The following MGA variants were observed in gnomAD, a reference collection of about 807,000 sequenced individuals.
The protein encoded by MGA is MAX gene-associated protein.
Under a neutral mutation model 261.1 loss-of-function variants are expected in MGA, and 40 were observed. The observed-to-expected ratio is 0.15, with a 90% CI of 0.12 to 0.20. MGA has a LOEUF of 0.20. Among genes scored for constraint, MGA ranks in the 10% least tolerant of loss-of-function variants. The probability of loss-of-function intolerance (pLI) is 1.00; values close to 1 mark genes in which losing one functional copy is unlikely to be tolerated. For synonymous variants in MGA, 1,302 were observed against 1,290.6 expected (o/e 1.01, Z -0.19); for missense variants, 3,397 against 3,630.5 (o/e 0.94, Z 1.65).
At chr15:41,673,303 T>C (rs2058175789) in intron 2 of MGA, among the ~76,000 whole-genome samples, 1 of 152,032 alleles carries the variant, frequency 6.6e-6, no homozygotes, top group Non-Finnish European at 1.5e-5. Flanking sequence ...CTGCAACCTC[T>C]GCCTCCTGGG....
chr15:41,692,551 T>C (rs1171773336), intron 2 of MGA, among the ~76,000 whole-genome samples: 2 of 152,304 alleles, frequency 1.3e-5, no homozygotes, highest in African/African-American at 4.8e-5. Context: ...AGAAGGCTGA[T>C]CTTCTTCTGT....
chr15:41,671,420 T>C (rs1201593555), intron 2 of MGA, among the ~76,000 whole-genome samples: 1 of 151,720 alleles, frequency 6.6e-6, no homozygotes, highest in African/African-American at 2.4e-5. Flanking sequence ...GGCTCCCAGG[T>C]TCAAGCGATT....
intron 1 of MGA, among the ~76,000 whole-genome samples, chr15:41,622,043 G>C (rs981180685): frequency 1.3e-5 from 2 of 151,996 alleles, no homozygotes; most frequent in African/African-American, 4.8e-5. Context: ...GGTAGGGGGA[G>C]GGTGGGGGGC....
At chr15:41,688,982 T>G (rs2059118405) in intron 2 of MGA, among the ~76,000 whole-genome samples, 1 of 152,180 alleles carries the variant, frequency 6.6e-6, no homozygotes, top group Non-Finnish European at 1.5e-5. Context: ...CCCACCATCC[T>G]GTTGGATTAG....
chr15:41,764,606 C>T (rs1051748976), intron 22 of MGA, among the ~76,000 whole-genome samples: 4 of 151,944 alleles, frequency 2.6e-5, no homozygotes, highest in Non-Finnish European at 5.9e-5. Context: ...TGCAGTGTCT[C>T]GCTTGCAGCC....
chr15:41,766,206 T>G lies in MGA; in HGVS notation c.8124T>G (p.Asp2708Glu). ...GAATCTCTTCCAGAGGAAACAGAGA[T>G]GGCAGAGTGACGTTGGGTCCAACGC... Residue 2708 changes from aspartate to glutamate, a missense_variant, in exon 24 of 24, where the codon GAT (aspartate) becomes GAG (glutamate). By Grantham distance (45) the Asp-to-Glu change is conservative. Transcript: ENST00000219905. 1 of 1,613,986 alleles carries G rather than the reference T, an allele frequency of 6.2e-7. No homozygotes were observed. Among genetic ancestry groups the G allele is most frequent in the Non-Finnish European group, 8.5e-7 (1 of 1,179,868 alleles).
intron 2 of MGA, among the ~76,000 whole-genome samples, chr15:41,671,695 T>C (rs2058069970): frequency 6.6e-6 from 1 of 152,160 alleles, no homozygotes; most frequent in Admixed American, 6.5e-5. Flanking sequence ...TGCACACAAA[T>C]TTCCTTTACT....
At chr15:41,733,332 T>G (rs188407590) in intron 11 of MGA, among the ~76,000 whole-genome samples, 2 of 152,294 alleles carry the variant, frequency 1.3e-5, no homozygotes, top group Non-Finnish European at 2.9e-5. Flanking sequence ...TCTCTCCTGA[T>G]TAGTGAAAGT....
intron 15 of MGA, among the ~76,000 whole-genome samples, chr15:41,746,367 C>T (rs1475896058): frequency 2.0e-5 from 3 of 151,580 alleles, no homozygotes; most frequent in African/African-American, 7.3e-5. Flanking sequence ...ATGGTGAAAC[C>T]CTGTCTCTAC....
Position 41,711,150 on chromosome 15 carries a change from A to G in MGA, c.2885A>G (p.Asn962Ser), listed in dbSNP as rs1207188853. ...TTTGTTGTGCCAACTTTGGATGAAA[A>G]TATATTTCCAAAGCAGATTAGTTTG... is the stretch of plus-strand genomic sequence containing the variant. The change falls in exon 8 of 24, where the codon AAT (asparagine) becomes AGT (serine). Residue 962 changes from asparagine to serine, a missense_variant. Physicochemically the swap from Asn to Ser is conservative, Grantham distance 46. This residue lies in a region of MGA where 519 missense variants were observed against 554.1 expected (regional missense o/e 0.94). Coordinates refer to ENST00000219905, the MANE Select transcript of MGA (RefSeq NM_001164273.2). 2.5e-6 allele frequency: 4 copies of G among 1,614,052 alleles called. No homozygotes were observed. The Admixed American group carries it at 5.0e-5, about 20-fold the overall frequency.
chr15:41,631,658 G>A (rs910066529), intron 1 of MGA, among the ~76,000 whole-genome samples: 1 of 152,122 alleles, frequency 6.6e-6, no homozygotes, highest in Non-Finnish European at 1.5e-5. Context: ...TTAAAGGGGT[G>A]GAGGGGGAGA....
At chr15:41,681,337 T>G (rs2151095734) in intron 2 of MGA, among the ~76,000 whole-genome samples, 2 of 152,300 alleles carry the variant, frequency 1.3e-5, no homozygotes, top group Middle Eastern at 3.4e-3. Context: ...TTAAAATTAT[T>G]TTCTAGTACA....
chr15:41,767,120 G>C lies in MGA; in HGVS notation c.9038G>C (p.Cys3013Ser). Residue 3013 changes from cysteine (C) to serine (S), a missense_variant, in exon 24 of 24, where the codon TGT becomes TCT. This residue lies in a region of MGA where 647 missense variants were observed against 642.4 expected (regional missense o/e 1.01). Coordinates refer to ENST00000219905, the MANE Select transcript of MGA (RefSeq NM_001164273.2). ...GGTCAGAGTCTCAAGGTGATGCCTTGTTTGGCACCTATAGCTGCCAAAGTT... is the reference window on the plus strand; with the variant it reads ...GGTCAGAGTCTCAAGGTGATGCCTTCTTTGGCACCTATAGCTGCCAAAGTT... 4.3e-6 allele frequency: 7 copies of C among 1,613,960 alleles called. No homozygotes were observed. The highest frequency in any genetic ancestry group is 5.9e-6 in the Non-Finnish European group (7 of 1,179,874).
chr15:41,738,472 A>G (rs978666996), intron 13 of MGA, among the ~76,000 whole-genome samples: 1 of 152,218 alleles, frequency 6.6e-6, no homozygotes, highest in African/African-American at 2.4e-5. Flanking sequence ...TGTGCATGCT[A>G]TGTAAATGCT....
At position 41,669,719 on chromosome 15, in the gene MGA, C is replaced by G. The variant is rs565278458; in HGVS notation, c.825C>G (p.Asn275Lys). ...CCCAGAGAGATGGAAAACAAAAGAA[C>G]AGCTCTGACCAAGAAGGGAATAATA... The change falls in exon 2 of 24, where the codon AAC becomes AAG. Residue 275 changes from asparagine (N) to lysine (K), a missense_variant. By Grantham distance (94) the Asn-to-Lys change is moderately conservative (BLOSUM62 0). Transcript: ENST00000219905. 1 of 1,613,444 alleles carries G rather than the reference C, an allele frequency of 6.2e-7. No homozygotes were observed. Among genetic ancestry groups the G allele is most frequent in the African/African-American group, 1.3e-5 (1 of 75,028 alleles).
At position 41,719,882 on chromosome 15, in the gene MGA, A is replaced by T. The variant is rs569405728; in HGVS notation, c.3430+6386A>T. On this transcript the variant is annotated intron_variant, in intron 9 of 23. Coordinates refer to ENST00000219905, the MANE Select transcript of MGA (RefSeq NM_001164273.2). ...GAATATTTATGTAATTTGCTGTATA[A>T]CGGATTAAATGAGATTATGATATTA... Among the ~76,000 whole-genome samples the T allele has an allele frequency of 3.4e-4, 52 of 152,340 alleles. 1 individual carries two copies. In the South Asian group the frequency reaches 0.01, roughly 30 times the overall value.
chr15:41,749,014 C>G (rs1458452274), intron 16 of MGA, 87 bp downstream of exon 16: 1 of 1,542,676 alleles, frequency 6.5e-7, no homozygotes, highest in Non-Finnish European at 8.7e-7. Flanking sequence ...TTTTCTTCAT[C>G]TCTTAAGAGT....
At chr15:41,645,072 T>G (rs1721821614) in intron 1 of MGA, among the ~76,000 whole-genome samples, 1 of 152,256 alleles carries the variant, frequency 6.6e-6, no homozygotes, top group Non-Finnish European at 1.5e-5. Flanking sequence ...GGAATTCTTT[T>G]TTTGGGGAGG....
chr15:41,761,916 T>C (rs901222641), intron 21 of MGA, 66 bp downstream of exon 21: 1 of 1,253,490 alleles, frequency 8.0e-7, no homozygotes, highest in East Asian at 2.5e-5. Context: ...AAATCCTCAG[T>C]AGATCTTTCA....
Sources: gnomAD v4.1 joint callset for allele counts (sites outside exome capture counted in the v4.1 genomes callset) on GRCh38, gnomAD v4.1.1 for gene constraint, gnomAD v4.1.1 regional missense constraint, MANE v1.5 for transcripts, NCBI Gene and HGNC (gene_info 2026-07-23, HGNC 2026-07-21) for gene names.